The following CACNA1E variants were observed in gnomAD, a reference collection of about 807,000 sequenced individuals.
The protein encoded by CACNA1E is calcium voltage-gated channel subunit alpha1 E.
In CACNA1E, 40 loss-of-function variants were observed where a neutral mutation model predicts 259.2. The ratio of observed to expected loss-of-function variants is 0.15; its 90% CI spans 0.12 to 0.20. The LOEUF (loss-of-function observed/expected upper bound fraction) is 0.20, where lower values mean the gene tolerates loss of function less well. CACNA1E is among the 10% of genes least tolerant of loss of function. The pLI, the probability that CACNA1E is intolerant of heterozygous loss-of-function variation, is 1.00. For synonymous variants in CACNA1E, 1,104 were observed against 1,138.5 expected, an observed-to-expected ratio of 0.97 and a Z score of 0.61; for missense variants, 1,874 against 3,040.1, an observed-to-expected ratio of 0.62 and a Z score of 9.02.
chr1:181,400,430 T>C (rs1282690169), intron 1 of CACNA1E, among the ~76,000 whole-genome samples: 2 of 152,148 alleles, frequency 1.3e-5, no homozygotes, highest in Non-Finnish European at 2.9e-5. Flanking sequence ...CTGGGGAGGC[T>C]GCAGACTGGC....
intron 6 of CACNA1E, among the ~76,000 whole-genome samples, chr1:181,587,705 A>G (rs539498691): frequency 7.9e-5 from 12 of 152,098 alleles, no homozygotes; most frequent in South Asian, 2.1e-4. Flanking sequence ...AACACGGTGA[A>G]ACCCCGTCTC....
chr1:181,753,949 G>T (rs1160663928), intron 27 of CACNA1E, among the ~76,000 whole-genome samples: 2 of 152,182 alleles, frequency 1.3e-5, no homozygotes, highest in Non-Finnish European at 2.9e-5. Flanking sequence ...CAAGGAAGTG[G>T]CCTGGCCGAC....
intron 7 of CACNA1E, among the ~76,000 whole-genome samples, chr1:181,665,609 A>T (rs978737460): frequency 2.0e-5 from 3 of 152,160 alleles, no homozygotes; most frequent in Non-Finnish European, 4.4e-5. Flanking sequence ...GAGGCTTTTA[A>T]TTGTTCTCAC....
intron 7 of CACNA1E, among the ~76,000 whole-genome samples, chr1:181,708,881 G>A (rs746652693): frequency 6.6e-6 from 1 of 152,210 alleles, no homozygotes; most frequent in Non-Finnish European, 1.5e-5. Flanking sequence ...AGTACTGGAG[G>A]TTTGGAAGTG....
chr1:181,457,601 G>A (rs1164506059), intron 2 of CACNA1E, among the ~76,000 whole-genome samples: 1 of 152,134 alleles, frequency 6.6e-6, no homozygotes, highest in Non-Finnish European at 1.5e-5. Flanking sequence ...CAGATTTCAT[G>A]TGCTAGGCAC....
At chr1:181,339,349 A>G (rs1168557735) in intron 1 of CACNA1E, among the ~76,000 whole-genome samples, 2 of 152,076 alleles carry the variant, frequency 1.3e-5, no homozygotes, top group Non-Finnish European at 2.9e-5. Flanking sequence ...AATCAATGTT[A>G]TATAGTTTTT....
At chr1:181,517,210 C>T (rs1666651291) in intron 3 of CACNA1E, among the ~76,000 whole-genome samples, 1 of 152,156 alleles carries the variant, frequency 6.6e-6, no homozygotes, top group Non-Finnish European at 1.5e-5. Flanking sequence ...TGGAACTTAG[C>T]TGGGCAGGGA....
At chr1:181,706,631 C>T (rs1280686698) in intron 7 of CACNA1E, among the ~76,000 whole-genome samples, 1 of 152,162 alleles carries the variant, frequency 6.6e-6, no homozygotes, top group African/African-American at 2.4e-5. Flanking sequence ...TAAAGAAAAA[C>T]AAAACCCATC....
At chr1:181,500,211 C>A (rs1405088123) in intron 1 of CACNA1E, among the ~76,000 whole-genome samples, 1 of 152,196 alleles carries the variant, frequency 6.6e-6, no homozygotes, top group Non-Finnish European at 1.5e-5. Flanking sequence ...GGTTGGTTCA[C>A]CCCTTATGCA....
At chr1:181,452,544 T>G (rs1255753459) in intron 2 of CACNA1E, among the ~76,000 whole-genome samples, 2 of 152,170 alleles carry the variant, frequency 1.3e-5, no homozygotes, top group African/African-American at 4.8e-5. Flanking sequence ...GCAGGGCTTC[T>G]GCTCCCAGAG....
At chr1:181,408,671 C>T (rs1248465701) in intron 1 of CACNA1E, among the ~76,000 whole-genome samples, 2 of 152,122 alleles carry the variant, frequency 1.3e-5, no homozygotes, top group Non-Finnish European at 2.9e-5. Context: ...ACTAAACGCT[C>T]TTCCACCCCA....
chr1:181,459,310 C>A (rs1342738393), intron 2 of CACNA1E, among the ~76,000 whole-genome samples: 2 of 152,246 alleles, frequency 1.3e-5, no homozygotes, highest in African/African-American at 4.8e-5. Context: ...AGCCGGTGAG[C>A]ACTTGGGCTG....
At chr1:181,705,121 C>T (rs1652665778) in intron 7 of CACNA1E, among the ~76,000 whole-genome samples, 1 of 152,194 alleles carries the variant, frequency 6.6e-6, no homozygotes, top group South Asian at 2.1e-4. Context: ...CAGAAATTAG[C>T]CACTTTGTGA....
intron 2 of CACNA1E, among the ~76,000 whole-genome samples, chr1:181,441,038 A>G (rs1374307285): frequency 6.7e-6 from 1 of 149,128 alleles, no homozygotes; most frequent in Non-Finnish European, 1.5e-5. Context: ...CTCTTCCCAA[A>G]GTCTGGAAAA....
chr1:181,453,117 T>G (rs909930742), intron 2 of CACNA1E, among the ~76,000 whole-genome samples: 7 of 152,252 alleles, frequency 4.6e-5, no homozygotes, highest in African/African-American at 1.2e-4. Context: ...TCTCAGAAAT[T>G]GTACGTTCAT....
chr1:181,459,375 T>A (rs916633830), intron 2 of CACNA1E, among the ~76,000 whole-genome samples: 4 of 152,188 alleles, frequency 2.6e-5, no homozygotes, highest in Non-Finnish European at 5.9e-5. Context: ...CATGTTCAGG[T>A]AGGGAGAAGC....
chr1:181,609,231 C>A lies in CACNA1E; in HGVS notation c.951+28455C>A, dbSNP rs537630913. ...AAAGAAAGTGAAATGCTGGCGGTGC[C>A]CCCTGGGTGTAGGCCTGAAATAAGA... On this transcript the variant is annotated intron_variant, in intron 6 of 47. Coordinates refer to ENST00000367573, the MANE Select transcript of CACNA1E (RefSeq NM_001205293.3). 2.6e-5 allele frequency among the ~76,000 whole-genome samples: 4 copies of A among 152,314 alleles called. No homozygotes were observed. The South Asian group carries it at 6.2e-4, about 24-fold the overall frequency.
chr1:181,319,845 A>T (rs894635286), intron 1 of CACNA1E, among the ~76,000 whole-genome samples: 2 of 152,184 alleles, frequency 1.3e-5, no homozygotes, highest in African/African-American at 4.8e-5. Context: ...CCTGACTCAG[A>T]TTTCTAATGG....
chr1:181,591,744 A>T (rs1344755675), intron 6 of CACNA1E, among the ~76,000 whole-genome samples: 4 of 152,180 alleles, frequency 2.6e-5, no homozygotes, highest in African/African-American at 4.8e-5. Context: ...TTGGCAACTT[A>T]CTTAATCTCT....
Sources: gnomAD v4.1 joint callset for allele counts (sites outside exome capture counted in the v4.1 genomes callset) on GRCh38, gnomAD v4.1.1 for gene constraint, MANE v1.5 for transcripts, NCBI Gene and HGNC (gene_info 2026-07-23, HGNC 2026-07-21) for gene names.